Variants in ELMO1 observed in about 807,000 individuals in gnomAD.
ELMO1 encodes engulfment and cell motility protein 1.
A neutral mutation model predicts 98.9 loss-of-function variants in ELMO1; 26 were observed. The observed-to-expected ratio is 0.26, with a 90% CI of 0.19 to 0.36. ELMO1 has a LOEUF of 0.36. Among genes scored for constraint, ELMO1 ranks in the 10% least tolerant of loss-of-function variants. The probability of loss-of-function intolerance (pLI) is 1.00; values close to 1 mark genes in which losing one functional copy is unlikely to be tolerated. For synonymous variants in ELMO1, 346 were observed against 346.0 expected, an observed-to-expected ratio of 1.00 and a Z score of 0.00; for missense variants, 627 against 935.2, an observed-to-expected ratio of 0.67 and a Z score of 4.30.
chr7:37,284,154 C>A (rs1488036067), intron 4 of ELMO1, among the ~76,000 whole-genome samples: 1 of 152,050 alleles, frequency 6.6e-6, no homozygotes, highest in African/African-American at 2.4e-5. Flanking sequence ...AGGAAGGAAG[C>A]CCTGGTTGGC....
chr7:37,243,653 C>T (rs958750437), intron 7 of ELMO1, among the ~76,000 whole-genome samples: 4 of 152,110 alleles, frequency 2.6e-5, no homozygotes, highest in African/African-American at 9.7e-5. Flanking sequence ...TGAGAGCTTA[C>T]AAAATAAGGT....
At chr7:37,137,662 G>A (rs1009158985) in intron 13 of ELMO1, among the ~76,000 whole-genome samples, 36 of 151,818 alleles carry the variant, frequency 2.4e-4, no homozygotes, top group Non-Finnish European at 5.9e-5. Context: ...TCAGCCTCCC[G>A]AGTAGCTGGG....
chr7:37,259,327 A>T lies in ELMO1; in HGVS notation c.267T>A (p.His89Gln). Reference protein sequence around the residue: ...TSPAQNAQQLHERIQSSSMDA... With the variant: ...TSPAQNAQQLQERIQSSSMDA... ...CCATACTCGAGGACTGGATTCGTTCATGGAGCTGCTGGGCGTTCTGAGCCT... is the reference window on the plus strand; with the variant it reads ...CCATACTCGAGGACTGGATTCGTTCTTGGAGCTGCTGGGCGTTCTGAGCCT... The change falls in exon 6 of 22, where the codon CAT becomes CAA. Residue 89 changes from histidine to glutamine, a missense_variant. His to Gln is a conservative substitution (Grantham distance 24). Coordinates refer to ENST00000310758, the MANE Select transcript of ELMO1 (RefSeq NM_014800.11). 6.2e-7 allele frequency: 1 copy of T among 1,614,140 alleles called. No individual in the cohort carries two copies. The highest frequency in any genetic ancestry group is 8.5e-7 in the Non-Finnish European group (1 of 1,179,988).
chr7:37,240,269 G>A (rs1794693449), intron 7 of ELMO1, among the ~76,000 whole-genome samples: 1 of 151,822 alleles, frequency 6.6e-6, no homozygotes, highest in Non-Finnish European at 1.5e-5. Context: ...GAACTGCTGG[G>A]CTCAAGTGAT....
intron 1 of ELMO1, among the ~76,000 whole-genome samples, chr7:37,431,656 GT>G (rs1229647883): frequency 1.3e-5 from 2 of 152,152 alleles, no homozygotes; most frequent in Non-Finnish European, 1.5e-5. Flanking sequence ...AATGTATTCT[GT>G]TAATCTTTCT....
intron 2 of ELMO1, among the ~76,000 whole-genome samples, chr7:37,334,707 T>G (rs1800306641): frequency 1.3e-5 from 2 of 152,188 alleles, no homozygotes; most frequent in Non-Finnish European, 2.9e-5. Context: ...CCATGTCAAG[T>G]ACAAAAACTC....
chr7:37,390,835 G>A (rs983525825), intron 1 of ELMO1, among the ~76,000 whole-genome samples: 6 of 152,204 alleles, frequency 3.9e-5, no homozygotes, highest in African/African-American at 1.4e-4. Context: ...TAGATGAGAG[G>A]ACAATCTGGT....
chr7:37,180,760 A>G (rs1404535793), intron 13 of ELMO1, among the ~76,000 whole-genome samples: 1 of 152,052 alleles, frequency 6.6e-6, no homozygotes, highest in East Asian at 1.9e-4. Flanking sequence ...TTTTTTGGGG[A>G]AAAATATGTA....
At chr7:37,049,711 AG>A (rs1381811641) in intron 15 of ELMO1, among the ~76,000 whole-genome samples, 2 of 151,828 alleles carry the variant, frequency 1.3e-5, no homozygotes, top group Non-Finnish European at 2.9e-5. Context: ...AATGATATCC[AG>A]GTGTTTGAGA....
At chr7:37,097,668 T>C (rs1393658181) in intron 14 of ELMO1, among the ~76,000 whole-genome samples, 1 of 152,060 alleles carries the variant, frequency 6.6e-6, no homozygotes, top group Non-Finnish European at 1.5e-5. Context: ...GAATGAATAC[T>C]GGCTCAACTA....
At chr7:37,259,092 A>G in intron 6 of ELMO1, 89 bp downstream of exon 6, 1 of 1,422,758 alleles carries the variant, frequency 7.0e-7, no homozygotes, top group Non-Finnish European at 9.4e-7. Context: ...GGTCTTTAAA[A>G]CAGAGTTTGC....
chr7:37,153,817 G>A (rs1282954037), intron 13 of ELMO1, among the ~76,000 whole-genome samples: 1 of 152,154 alleles, frequency 6.6e-6, no homozygotes. Context: ...TCCCAGCACA[G>A]GGTTCAAGAT....
intron 14 of ELMO1, among the ~76,000 whole-genome samples, chr7:37,113,525 G>A (rs141215672): frequency 3.2e-4 from 48 of 152,278 alleles, no homozygotes; most frequent in African/African-American, 1.2e-3. Flanking sequence ...ATGGAAGTGA[G>A]GCAATGAGCC....
At chr7:36,867,892 T>G (rs1803155938) in intron 20 of ELMO1, among the ~76,000 whole-genome samples, 1 of 152,196 alleles carries the variant, frequency 6.6e-6, no homozygotes, top group Non-Finnish European at 1.5e-5. Context: ...TGCTATTCTT[T>G]AAATTTTTTA....
intron 13 of ELMO1, among the ~76,000 whole-genome samples, chr7:37,192,770 C>G (rs1358223999): frequency 7.2e-6 from 1 of 138,412 alleles, no homozygotes; most frequent in Non-Finnish European, 1.5e-5. Flanking sequence ...CGCACTCCAG[C>G]CTGGGTGACA....
chr7:37,023,134 A>C (rs780471947), intron 15 of ELMO1, among the ~76,000 whole-genome samples: 8 of 152,236 alleles, frequency 5.3e-5, no homozygotes, highest in Non-Finnish European at 1.0e-4. Flanking sequence ...AGATGGCCCA[A>C]GAGGGGGCCT....
chr7:37,049,009 G>C (rs1361359667), intron 15 of ELMO1, among the ~76,000 whole-genome samples: 1 of 152,150 alleles, frequency 6.6e-6, no homozygotes. Context: ...GGGAAAGCAA[G>C]CCCTTGCTTT....
chr7:37,345,987 T>TGAA lies in ELMO1; in HGVS notation c.-73-3225_-73-3224insTTC, dbSNP rs577056447. On this transcript the variant is annotated intron_variant, in intron 1 of 21. Transcript: ENST00000310758. ...CTGGGCAACAGAGCAAGACTCCATC[T>TGAA]AAAAAAAAAAAAAAAAAAAGACATC... 2.6e-5 allele frequency among the ~76,000 whole-genome samples: 3 copies of TGAA among 114,470 alleles called. 1 individual carries two copies. The highest frequency in any genetic ancestry group is 3.7e-5 in the Non-Finnish European group (2 of 54,454). The allele number at this position is 114,470 out of a possible 152,430, so 75.1% of individuals were successfully genotyped here. A position where few individuals can be genotyped will look rare whatever the true frequency, so the allele number is the denominator to read the frequency against.
chr7:36,954,517 C>T (rs1355524211), intron 16 of ELMO1, among the ~76,000 whole-genome samples: 1 of 152,144 alleles, frequency 6.6e-6, no homozygotes, highest in African/African-American at 2.4e-5. Flanking sequence ...GTAATCTGTT[C>T]TTGGATCCTC....
Sources: allele counts gnomAD v4.1 joint callset (sites outside exome capture counted in the v4.1 genomes callset), GRCh38; gene constraint gnomAD v4.1.1; transcripts MANE v1.5; gene names NCBI Gene and HGNC (gene_info 2026-07-23, HGNC 2026-07-21).